The following PPARGC1B variants were observed in gnomAD, a reference collection of about 807,000 sequenced individuals.
The protein encoded by PPARGC1B is PPARG coactivator 1 beta.
Under a neutral mutation model 101.6 loss-of-function variants are expected in PPARGC1B, and 34 were observed. The observed-to-expected ratio is 0.33, with a 90% CI of 0.25 to 0.45. PPARGC1B has a LOEUF of 0.45. Among genes scored for constraint, PPARGC1B ranks in the 20% least tolerant of loss-of-function variants. PPARGC1B has a pLI of 1.00. For synonymous variants in PPARGC1B, 548 were observed against 539.3 expected (o/e 1.02, Z -0.22); for missense variants, 1,234 against 1,317.6 (o/e 0.94, Z 0.98).
At chr5:149,741,197 A>G (rs1422281040) in intron 1 of PPARGC1B, among the ~76,000 whole-genome samples, 1 of 152,186 alleles carries the variant, frequency 6.6e-6, no homozygotes, top group South Asian at 2.1e-4. Flanking sequence ...GAACATAGTC[A>G]TTTAGCAGAG....
intron 1 of PPARGC1B, among the ~76,000 whole-genome samples, chr5:149,813,372 C>G (rs966943283): frequency 5.3e-5 from 8 of 152,168 alleles, no homozygotes; most frequent in African/African-American, 1.4e-4. Flanking sequence ...CCGGGTGGAG[C>G]CCAGACTCCC....
chr5:149,733,269 G>C (rs542099881), intron 1 of PPARGC1B, among the ~76,000 whole-genome samples: 1 of 152,218 alleles, frequency 6.6e-6, no homozygotes, highest in South Asian at 2.1e-4. Context: ...GCCAAAGTAC[G>C]GAAATTTAGC....
intron 1 of PPARGC1B, among the ~76,000 whole-genome samples, chr5:149,769,331 C>T (rs1016335290): frequency 2.6e-5 from 4 of 152,180 alleles, no homozygotes; most frequent in East Asian, 1.9e-4. Flanking sequence ...GGACTTGTAC[C>T]GGTTCGTGGC....
intron 1 of PPARGC1B, among the ~76,000 whole-genome samples, chr5:149,770,369 T>C (rs1756081358): frequency 6.6e-6 from 1 of 152,136 alleles, no homozygotes; most frequent in Non-Finnish European, 1.5e-5. Context: ...TTTTGCCCCA[T>C]AGCCCCTCAA....
chr5:149,830,690 T>C, intron 3 of PPARGC1B, 77 bp from the exon 4 acceptor site: 1 of 1,073,608 alleles, frequency 9.3e-7, no homozygotes, highest in Non-Finnish European at 1.4e-6. Context: ...AGGTCAGTCC[T>C]GAGGGGCTGG....
At position 149,836,253 on chromosome 5, in the gene PPARGC1B, C is replaced by T; in HGVS notation, c.1808-10C>T. 1.3e-6 allele frequency: 2 copies of T among 1,538,648 alleles called. No homozygotes were observed. The highest frequency in any genetic ancestry group is 2.1e-5 in the Admixed American group (1 of 46,966). Reference sequence around the variant, plus strand: ...GTCTTTATCTTACCTTTCTCCTCTTCCTCGGGCAGGACTCACCCCACCCAC... The same window carrying T: ...GTCTTTATCTTACCTTTCTCCTCTTTCTCGGGCAGGACTCACCCCACCCAC... On this transcript the variant is annotated splice_polypyrimidine_tract_variant and intron_variant, in intron 7 of 11. Transcript: ENST00000309241.
rs954792785 is a variant in PPARGC1B at position 149,810,717 on chromosome 5, A to G, written c.79-9716A>G. 2.0e-4 allele frequency among the ~76,000 whole-genome samples: 31 copies of G among 152,170 alleles called. 1 individual carries two copies. The Middle Eastern group carries it at 0.027, about 134-fold the overall frequency. ...TGTTGAGAAAGTGGCCTGTCTGGAA[A>G]CTGGTCTGGACAGGTCACACGGGAG... is the stretch of plus-strand genomic sequence containing the variant. On this transcript the variant is annotated intron_variant, in intron 1 of 11. Transcript: ENST00000309241.
In PPARGC1B at chr5:149,820,658, T is replaced by G. The variant is rs779548451; in HGVS notation, c.252+52T>G. ...CCCACCCTGCCAGGCCTCTCTCTCC[T>G]CAAAATCCCGGCTCTGCCCTGCTCT... On this transcript the variant is annotated intron_variant, in intron 2 of 11. Coordinates refer to ENST00000309241, the MANE Select transcript of PPARGC1B (RefSeq NM_133263.4). 13 of 1,548,992 alleles carry G rather than the reference T, an allele frequency of 8.4e-6. No homozygotes were observed. The South Asian group carries it at 1.3e-4, about 15-fold the overall frequency.
intron 6 of PPARGC1B, among the ~76,000 whole-genome samples, chr5:149,835,004 C>T (rs764011617): frequency 1.3e-5 from 2 of 152,222 alleles, no homozygotes; most frequent in East Asian, 1.9e-4. Flanking sequence ...TCAGCAAGTC[C>T]GTTCCTCCTT....
intron 1 of PPARGC1B, among the ~76,000 whole-genome samples, chr5:149,816,790 C>T (rs552533251): frequency 1.1e-3 from 162 of 152,316 alleles, no homozygotes; most frequent in Non-Finnish European, 8.4e-4. Flanking sequence ...CCTAGCAACC[C>T]GTGTCTCTGC....
intron 4 of PPARGC1B, among the ~76,000 whole-genome samples, chr5:149,831,448 T>C (rs1758780270): frequency 6.6e-6 from 1 of 152,156 alleles, no homozygotes. Flanking sequence ...TGGGAACTGT[T>C]GCATCCAATC....
chr5:149,752,381 T>C (rs897743476), intron 1 of PPARGC1B, among the ~76,000 whole-genome samples: 3 of 152,200 alleles, frequency 2.0e-5, no homozygotes, highest in African/African-American at 7.2e-5. Flanking sequence ...AAGAGATTGG[T>C]GGGGCTCACG....
Position 149,846,643 on chromosome 5 carries a change from GA to G in PPARGC1B, c.2971+742del, listed in dbSNP as rs10690330. 59 of 146,782 alleles carry G rather than the reference GA, an allele frequency of 4.0e-4. No individual in the cohort carries two copies. The South Asian group carries it at 6.2e-3, about 15-fold the overall frequency. The allele number at this position is 146,782 out of a possible 1,614,324, so 9.1% of individuals were successfully genotyped here. On this transcript the variant is annotated intron_variant, in intron 11 of 11. Transcript: ENST00000309241. ...AGCAAGACCCTGTCTCAAAAGGAAA[GA>G]AAAAAAAAAAAACACTTACTGGAGA... is the stretch of plus-strand genomic sequence containing the variant.
At chr5:149,835,959 T>C (rs866541988) in intron 7 of PPARGC1B, among the ~76,000 whole-genome samples, 11,159 of 109,784 alleles carry the variant, frequency 0.1, 690 homozygotes, top group African/African-American at 0.24. Context: ...TTTTTTTTTC[T>C]TTTTTTTTTT....
chr5:149,833,534 C>T lies in PPARGC1B; in HGVS notation c.1461C>T (p.Gly487=), dbSNP rs1358576806. The change falls in exon 5 of 12, where the codon GGC becomes GGT. Residue 487 remains glycine (G), a synonymous_variant. Coordinates refer to ENST00000309241, the MANE Select transcript of PPARGC1B (RefSeq NM_133263.4). This position sits in a 1 kb window ranked among gnomAD's most constrained non-coding sequence, Gnocchi z 4.1. ...CTCGGAGACTGAACCCTGAGCTGGG[C>T]CCCTGGCTGACATTTGCAGATGAGC... ...RRSRRLNPEL[G]PWLTFADEPL... The T allele has an allele frequency of 6.4e-7, 1 of 1,573,726 alleles. No individual in the cohort carries two copies. Among genetic ancestry groups the T allele is most frequent in the African/African-American group, 1.4e-5 (1 of 73,940 alleles).
chr5:149,855,932 C>T (rs960815326), downstream of PPARGC1B, among the ~76,000 whole-genome samples: 3 of 151,986 alleles, frequency 2.0e-5, no homozygotes, highest in Non-Finnish European at 2.9e-5. Context: ...GCCTGGCCAA[C>T]GTGGTGAAAC....
At chr5:149,734,654 A>G (rs1422737114) in intron 1 of PPARGC1B, among the ~76,000 whole-genome samples, 2 of 152,162 alleles carry the variant, frequency 1.3e-5, no homozygotes, top group Non-Finnish European at 2.9e-5. Context: ...AAATTACTCC[A>G]TCAAACTCAT....
intron 1 of PPARGC1B, among the ~76,000 whole-genome samples, chr5:149,780,984 G>A (rs529881989): frequency 9.2e-5 from 14 of 152,264 alleles, no homozygotes; most frequent in African/African-American, 2.9e-4. Context: ...CGGGGGAATC[G>A]CCTGAGGTCA....
At chr5:149,784,629 G>A (rs1037166656) in intron 1 of PPARGC1B, among the ~76,000 whole-genome samples, 6 of 137,908 alleles carry the variant, frequency 4.4e-5, no homozygotes, top group African/African-American at 1.1e-4. Context: ...GTGCAGTGGC[G>A]CAATCTCGGC....
Sources: allele counts gnomAD v4.1 joint callset (sites outside exome capture counted in the v4.1 genomes callset), GRCh38; gene constraint gnomAD v4.1.1; non-coding constraint Gnocchi (gnomAD v3.1); transcripts MANE v1.5; gene names NCBI Gene and HGNC (gene_info 2026-07-23, HGNC 2026-07-21).